The following C3orf20 variants were observed in gnomAD, a reference collection of about 807,000 sequenced individuals.
C3orf20 encodes the protein family with sequence similarity 149 member C.
In C3orf20, 76 loss-of-function variants were observed where a neutral mutation model predicts 88.3. The ratio of observed to expected loss-of-function variants is 0.86; its 90% CI spans 0.72 to 1.04. The LOEUF (loss-of-function observed/expected upper bound fraction) is 1.04, where lower values mean the gene tolerates loss of function less well. C3orf20 is among the 50% of genes least tolerant of loss of function. C3orf20 has a pLI of 0.00. For missense variants in C3orf20, 1,056 were observed against 1,123.3 expected, an observed-to-expected ratio of 0.94 and a Z score of 0.86; for synonymous variants, 436 against 437.4, an observed-to-expected ratio of 1.00 and a Z score of 0.04.
Position 14,757,384 on chromosome 3 carries a change from GAGGGGCGCAGCCCCACC to G in C3orf20, c.1958_1974del (p.Gly653ValfsTer36), listed in dbSNP as rs1559443885. On this transcript the variant is annotated frameshift_variant, in exon 13 of 17. Transcript: ENST00000253697. LOFTEE classifies it high-confidence loss of function. ...TCCTCCTTGCAGAGGGAAGGCCCGC[GAGGGGCGCAGCCCCACC>G]AGGTGGGCGGCCTTGCCCTCAGACT... The G allele has an allele frequency of 2.5e-6, 4 of 1,611,092 alleles. No individual in the cohort carries two copies. In the African/African-American group the frequency reaches 4.0e-5, roughly 16 times the overall value.
chr3:14,702,272 G>C, intron 5 of C3orf20, among the ~76,000 whole-genome samples: 1 of 152,006 alleles, frequency 6.6e-6, no homozygotes, highest in East Asian at 1.9e-4. Flanking sequence ...ACTATCACGA[G>C]AATAGCACGG....
intron 12 of C3orf20, among the ~76,000 whole-genome samples, chr3:14,747,674 G>T (rs192306582): frequency 6.2e-4 from 94 of 152,220 alleles, no homozygotes; most frequent in Non-Finnish European, 9.7e-4. Flanking sequence ...GACAATCAGA[G>T]TAAGGCAATA....
chr3:14,715,012 C>G (rs148943615), intron 8 of C3orf20, among the ~76,000 whole-genome samples: 8 of 152,340 alleles, frequency 5.3e-5, no homozygotes, highest in African/African-American at 7.2e-5. Context: ...ATTATACACT[C>G]AGGCTACTAG....
intron 12 of C3orf20, among the ~76,000 whole-genome samples, chr3:14,751,073 A>C (rs1371335137): frequency 2.0e-5 from 3 of 152,072 alleles, no homozygotes; most frequent in Admixed American, 1.3e-4. Flanking sequence ...GCCTGCTTAG[A>C]TCTATCACTG....
intron 12 of C3orf20, among the ~76,000 whole-genome samples, chr3:14,742,786 T>A (rs558912724): frequency 6.2e-4 from 94 of 152,234 alleles, no homozygotes; most frequent in South Asian, 1.7e-3. Flanking sequence ...GCTCTTCTTA[T>A]GTGGTGGTGG....
At chr3:14,757,330 C>A in intron 12 of C3orf20, 41 bp from the exon 13 acceptor site, 1 of 1,547,674 alleles carries the variant, frequency 6.5e-7, no homozygotes, top group Non-Finnish European at 8.8e-7. Flanking sequence ...AGACCTTCAC[C>A]ACCTTCTGAG....
At chr3:14,720,186 T>C (rs1224701598) in intron 9 of C3orf20, among the ~76,000 whole-genome samples, 5 of 152,146 alleles carry the variant, frequency 3.3e-5, no homozygotes, top group African/African-American at 1.2e-4. Context: ...TCTGCCACCA[T>C]GCCTGGCTAA....
intron 9 of C3orf20, among the ~76,000 whole-genome samples, chr3:14,718,092 G>T (rs1481691690): frequency 6.6e-6 from 1 of 152,006 alleles, no homozygotes; most frequent in African/African-American, 2.4e-5. Context: ...CAAATTTGGG[G>T]AATCTTCTAA....
intron 12 of C3orf20, among the ~76,000 whole-genome samples, chr3:14,741,346 C>G (rs1256204246): frequency 6.6e-6 from 1 of 152,168 alleles, no homozygotes; most frequent in Admixed American, 6.5e-5. Flanking sequence ...AGGAGCTCTG[C>G]TTGGCTTCTC....
chr3:14,705,060 A>G (rs1272550400), intron 7 of C3orf20, among the ~76,000 whole-genome samples: 3 of 152,318 alleles, frequency 2.0e-5, no homozygotes, highest in Middle Eastern at 3.4e-3. Context: ...TACTTCACCT[A>G]TCAACATCCT....
At chr3:14,750,050 G>A (rs1575151357) in intron 12 of C3orf20, among the ~76,000 whole-genome samples, 1 of 150,782 alleles carries the variant, frequency 6.6e-6, no homozygotes, top group Non-Finnish European at 1.5e-5. Flanking sequence ...CTTCTTTTAT[G>A]TTTACCTATG....
At chr3:14,719,125 G>GT (rs35504025) in intron 9 of C3orf20, among the ~76,000 whole-genome samples, 27,969 of 133,046 alleles carry the variant, frequency 0.21, 2,718 homozygotes, top group Non-Finnish European at 0.23. Flanking sequence ...TTGGGTCATT[G>GT]TTTTTTTTTT....
chr3:14,704,542 C>G lies in C3orf20; in HGVS notation c.1084C>G (p.His362Asp). Residue 362 changes from histidine to aspartate, a missense_variant, in exon 7 of 17, where the codon CAT becomes GAT. By Grantham distance (81) the His-to-Asp change is moderately conservative. Coordinates refer to ENST00000253697, the MANE Select transcript of C3orf20 (RefSeq NM_032137.5). The part of the protein sequence containing the change: ...PSSANHHFSQ[H>D]CQEGKAPKKA... Reference sequence around the variant, plus strand: ...TTCTGCCAACCATCATTTCAGTCAGCATTGTCAAGAGGGGAAGGCACCCAA... The same window carrying G: ...TTCTGCCAACCATCATTTCAGTCAGGATTGTCAAGAGGGGAAGGCACCCAA... 1 of 1,614,164 alleles carries G rather than the reference C, an allele frequency of 6.2e-7. No individual in the cohort carries two copies. Among genetic ancestry groups the G allele is most frequent in the Non-Finnish European group, 8.5e-7 (1 of 1,180,036 alleles).
In C3orf20 at chr3:14,772,322, ACATCTAGCC is replaced by A; in HGVS notation, c.2630+125_2630+133del. The A allele has an allele frequency of 8.5e-7, 1 of 1,183,072 alleles. No homozygotes were observed. The highest frequency in any genetic ancestry group is 2.4e-5 in the East Asian group (1 of 41,320). The allele number at this position is 1,183,072 out of a possible 1,614,324, so 73.3% of individuals were successfully genotyped here. ...CCTGGGTCATGTCCAACCATCGCTG[ACATCTAGCC>A]CATGTAATCAACACAATATTGGGCG... On this transcript the variant is annotated intron_variant, in intron 16 of 16. Transcript: ENST00000253697. The surrounding 1 kb of genome is among the most constrained non-coding windows in gnomAD (Gnocchi z 4.2).
At chr3:14,720,069 G>A (rs1052295993) in intron 9 of C3orf20, among the ~76,000 whole-genome samples, 10 of 151,800 alleles carry the variant, frequency 6.6e-5, no homozygotes, top group African/African-American at 2.2e-4. Context: ...TCACTCTGTC[G>A]CCTAGGCTGG....
chr3:14,727,109 CT>C, intron 11 of C3orf20, 85 bp downstream of exon 11: 1 of 1,425,338 alleles, frequency 7.0e-7, no homozygotes, highest in Non-Finnish European at 9.8e-7. Context: ...AGGGACAGAC[CT>C]TTACTTTACC....
rs201531331 is a variant in C3orf20, at chr3:14,720,003, G to GT, written c.1435-1643dup. ...GACAAGAGAGAGGAGGGTTTTTTTT[G>GT]TTTTTTTGTTTTGTTTTGTTTTGTT... On this transcript the variant is annotated intron_variant, in intron 9 of 16. Transcript: ENST00000253697. 1.1e-3 allele frequency among the ~76,000 whole-genome samples: 155 copies of GT among 140,924 alleles called. 3 individuals carry two copies. The East Asian group carries it at 0.019, about 18-fold the overall frequency. 92.5% of individuals were successfully genotyped at this position (140,924 alleles called of 152,430 possible).
intron 12 of C3orf20, among the ~76,000 whole-genome samples, chr3:14,729,624 G>A (rs1344458879): frequency 1.3e-5 from 2 of 152,210 alleles, no homozygotes; most frequent in Non-Finnish European, 2.9e-5. Flanking sequence ...TCAGCTCACC[G>A]CAACCTCTGC....
chr3:14,740,966 A>G (rs1013907355), intron 12 of C3orf20, among the ~76,000 whole-genome samples: 49 of 152,300 alleles, frequency 3.2e-4, no homozygotes, highest in African/African-American at 1.0e-3. Flanking sequence ...CTGCATTTCT[A>G]TAAGTCTGTT....
Sources: allele counts gnomAD v4.1 joint callset (sites outside exome capture counted in the v4.1 genomes callset), GRCh38; gene constraint gnomAD v4.1.1; non-coding constraint Gnocchi (gnomAD v3.1); transcripts MANE v1.5; gene names NCBI Gene and HGNC (gene_info 2026-07-23, HGNC 2026-07-21).